The following VSNL1 variants were observed in gnomAD, a reference collection of about 807,000 sequenced individuals.
VSNL1 encodes the protein visinin like 1.
In VSNL1, 6 loss-of-function variants were observed where a neutral mutation model predicts 20.4. The observed-to-expected ratio is 0.29, with a 90% CI of 0.16 to 0.58. The LOEUF is 0.58. Among genes scored for constraint, VSNL1 ranks in the 20% least tolerant of loss-of-function variants. The pLI is 0.90. For synonymous variants in VSNL1, 93 were observed against 86.4 expected (o/e 1.08, Z -0.42); for missense variants, 100 against 234.5 (o/e 0.43, Z 3.75).
rs147653192 is a variant in VSNL1, at chr2:17,623,959, T to G, written c.163-25451T>G. ...AACGTGATGGGAAATATCTGTTAGATTCATAGTGTCGCTAGCTACAACTTA... is the reference window on the plus strand; with the variant it reads ...AACGTGATGGGAAATATCTGTTAGAGTCATAGTGTCGCTAGCTACAACTTA... On this transcript the variant is annotated intron_variant, in intron 2 of 3. Transcript: ENST00000295156. 5.0e-3 allele frequency among the ~76,000 whole-genome samples: 757 copies of G among 152,306 alleles called. 6 individuals carry two copies. Among genetic ancestry groups the G allele is most frequent in the African/African-American group, 0.016 (668 of 41,572 alleles).
At chr2:17,605,004 G>A (rs1231598729) in intron 2 of VSNL1, among the ~76,000 whole-genome samples, 1 of 152,174 alleles carries the variant, frequency 6.6e-6, no homozygotes, top group Non-Finnish European at 1.5e-5. Context: ...CCTGGAGTAA[G>A]ACACAGGGTT....
At chr2:17,630,614 G>C (rs557803355) in intron 2 of VSNL1, among the ~76,000 whole-genome samples, 9 of 152,288 alleles carry the variant, frequency 5.9e-5, no homozygotes, top group African/African-American at 1.9e-4. Context: ...AAGAAGAAGA[G>C]AGAAGATGAT....
At chr2:17,629,376 C>T (rs1470088140) in intron 2 of VSNL1, among the ~76,000 whole-genome samples, 1 of 152,200 alleles carries the variant, frequency 6.6e-6, no homozygotes, top group Non-Finnish European at 1.5e-5. Flanking sequence ...AAGCAACTAT[C>T]CTAGGAGGTG....
At chr2:17,633,814 T>G (rs1665691893) in intron 2 of VSNL1, among the ~76,000 whole-genome samples, 2 of 150,050 alleles carry the variant, frequency 1.3e-5, no homozygotes, top group South Asian at 2.1e-4. Context: ...GGGGAGAGAG[T>G]TGGAATATGG....
intron 2 of VSNL1, among the ~76,000 whole-genome samples, chr2:17,592,933 T>C (rs186233507): frequency 6.6e-5 from 10 of 152,238 alleles, no homozygotes; most frequent in African/African-American, 2.2e-4. Flanking sequence ...TGGTTCTAGA[T>C]TGGGCTGATC....
intron 2 of VSNL1, among the ~76,000 whole-genome samples, chr2:17,636,663 G>A (rs535154266): frequency 6.6e-6 from 1 of 152,240 alleles, no homozygotes; most frequent in African/African-American, 2.4e-5. Flanking sequence ...TTGAATGAAT[G>A]ATGTAATTTC....
At chr2:17,614,281 C>T (rs1665162233) in intron 2 of VSNL1, among the ~76,000 whole-genome samples, 1 of 152,252 alleles carries the variant, frequency 6.6e-6, no homozygotes, top group Non-Finnish European at 1.5e-5. Flanking sequence ...TGCCTGTCAT[C>T]CCCAGTTGGG....
At chr2:17,575,827 G>A (rs1201410324) in intron 1 of VSNL1, among the ~76,000 whole-genome samples, 3 of 151,986 alleles carry the variant, frequency 2.0e-5, no homozygotes, top group Admixed American at 6.6e-5. Context: ...GAGCCACTGC[G>A]CCCGGCCCGA....
intron 1 of VSNL1, among the ~76,000 whole-genome samples, chr2:17,587,634 C>G (rs968380570): frequency 6.6e-6 from 1 of 152,074 alleles, no homozygotes; most frequent in African/African-American, 2.4e-5. Flanking sequence ...GAGGTAGTTG[C>G]AGTATCTTTG....
intron 1 of VSNL1, among the ~76,000 whole-genome samples, chr2:17,572,122 A>G (rs1664098604): frequency 6.6e-6 from 1 of 152,132 alleles, no homozygotes; most frequent in Non-Finnish European, 1.5e-5. Context: ...GGTGTAAATA[A>G]TAGCACCTCC....
chr2:17,557,024 T>A (rs1663699610), intron 1 of VSNL1, among the ~76,000 whole-genome samples: 1 of 151,826 alleles, frequency 6.6e-6, no homozygotes, highest in Non-Finnish European at 1.5e-5. Context: ...AGAGATGGCT[T>A]TTTTTTTAAG....
chr2:17,628,788 G>A (rs1665568828), intron 2 of VSNL1, among the ~76,000 whole-genome samples: 1 of 152,216 alleles, frequency 6.6e-6, no homozygotes, highest in Admixed American at 6.5e-5. Flanking sequence ...CCACCTGCCT[G>A]TTCTGTAGCC....
chr2:17,588,718 T>C (rs1485794014), intron 1 of VSNL1, among the ~76,000 whole-genome samples: 1 of 152,212 alleles, frequency 6.6e-6, no homozygotes, highest in Non-Finnish European at 1.5e-5. Context: ...ATTTTAATGA[T>C]GAAGACAATC....
At chr2:17,619,231 C>G (rs1665289717) in intron 2 of VSNL1, among the ~76,000 whole-genome samples, 1 of 152,198 alleles carries the variant, frequency 6.6e-6, no homozygotes, top group South Asian at 2.1e-4. Context: ...TGGATCTGGT[C>G]TTCTCTGAAT....
At chr2:17,620,171 C>T (rs1414993562) in intron 2 of VSNL1, among the ~76,000 whole-genome samples, 2 of 152,194 alleles carry the variant, frequency 1.3e-5, no homozygotes, top group South Asian at 2.1e-4. Flanking sequence ...TCATTTTGCT[C>T]ATGCCTAATG....
chr2:17,614,754 G>C (rs1665176247), intron 2 of VSNL1, among the ~76,000 whole-genome samples: 1 of 152,212 alleles, frequency 6.6e-6, no homozygotes, highest in Non-Finnish European at 1.5e-5. Flanking sequence ...GGGCAGTTAT[G>C]GTGGCTGCCC....
chr2:17,584,426 A>G (rs546403270), intron 1 of VSNL1, among the ~76,000 whole-genome samples: 17 of 152,192 alleles, frequency 1.1e-4, no homozygotes, highest in Admixed American at 1.0e-3. Flanking sequence ...GTCAGATGCC[A>G]TTTGATTATG....
intron 1 of VSNL1, chr2:17,546,049 T>A (rs988643761): frequency 6.6e-6 from 1 of 152,070 alleles, no homozygotes; most frequent in Admixed American, 6.6e-5. Flanking sequence ...CCTTTTGTTC[T>A]AAATTACAAT....
intron 1 of VSNL1, among the ~76,000 whole-genome samples, chr2:17,591,596 C>T (rs1360255354): frequency 6.6e-6 from 1 of 152,096 alleles, no homozygotes; most frequent in Non-Finnish European, 1.5e-5. Flanking sequence ...CTTAATATTG[C>T]TGATTGGATA....
Sources: gnomAD v4.1 joint callset for allele counts (sites outside exome capture counted in the v4.1 genomes callset) on GRCh38, gnomAD v4.1.1 for gene constraint, MANE v1.5 for transcripts, NCBI Gene and HGNC (gene_info 2026-07-23, HGNC 2026-07-21) for gene names.